SLAMF7: variants seen among roughly 807,000 people sequenced by gnomAD.
The protein encoded by SLAMF7 is SLAM family member 7.
A neutral mutation model predicts 34.1 loss-of-function variants in SLAMF7; 26 were observed. That is an observed-to-expected ratio of 0.76 (90% confidence interval 0.56 to 1.06). The LOEUF (loss-of-function observed/expected upper bound fraction) is 1.06. Ranked by LOEUF, SLAMF7 falls within the 50% of genes least tolerant of loss-of-function variation. SLAMF7 has a pLI of 0.00. For missense variants in SLAMF7, 399 were observed against 402.5 expected, an observed-to-expected ratio of 0.99 and a Z score of 0.07; for synonymous variants, 171 against 156.4, an observed-to-expected ratio of 1.09 and a Z score of -0.70.
At chr1:160,740,791 A>T (rs1263513234) in intron 1 of SLAMF7, among the ~76,000 whole-genome samples, 3 of 152,244 alleles carry the variant, frequency 2.0e-5, no homozygotes, top group Admixed American at 6.5e-5. Flanking sequence ...CCACCTCCTC[A>T]TGAGTCTGTA....
intron 4 of SLAMF7, 71 bp from the exon 5 acceptor site, chr1:160,751,274 G>A: frequency 8.7e-7 from 1 of 1,153,924 alleles, no homozygotes; most frequent in Non-Finnish European, 1.3e-6. Flanking sequence ...TCATCCAGGA[G>A]AAATGGTGGG....
intron 1 of SLAMF7, among the ~76,000 whole-genome samples, chr1:160,744,509 C>A (rs575098953): frequency 1.3e-5 from 2 of 152,204 alleles, no homozygotes; most frequent in African/African-American, 2.4e-5. Context: ...AGAAACAATG[C>A]GTTTGGCAAC....
At chr1:160,751,181 T>TC (rs766542979) in intron 4 of SLAMF7, 164 bp from the exon 5 acceptor site, 4 of 609,818 alleles carry the variant, frequency 6.6e-6, no homozygotes, top group African/African-American at 1.9e-5. Flanking sequence ...GTTTAGATTT[T>TC]CCCAGTTTTA....
At chr1:160,749,745 A>ACTGGAG in intron 2 of SLAMF7, 76 bp from the exon 3 acceptor site, 1 of 1,335,130 alleles carries the variant, frequency 7.5e-7, no homozygotes, top group Non-Finnish European at 1.0e-6. Context: ...ATTCAGGTCC[A>ACTGGAG]AGGTATCCAA....
intron 1 of SLAMF7, among the ~76,000 whole-genome samples, chr1:160,740,823 T>A (rs1663682216): frequency 6.6e-6 from 1 of 152,210 alleles, no homozygotes; most frequent in South Asian, 2.1e-4. Context: ...ATTATCCCTG[T>A]TTTACAGTTG....
At chr1:160,752,072 A>G (rs1005967987) in intron 5 of SLAMF7, 114 bp from the exon 6 acceptor site, 2 of 798,346 alleles carry the variant, frequency 2.5e-6, no homozygotes, top group African/African-American at 3.5e-5. Context: ...TTCCTCTCAC[A>G]TCTCCTCCCA....
At position 160,739,364 on chromosome 1, in the gene SLAMF7, C is replaced by A. The variant is rs370657629; in HGVS notation, c.55+8C>A. 2.5e-6 allele frequency: 4 copies of A among 1,611,028 alleles called. No homozygotes were observed. Among genetic ancestry groups the A allele is most frequent in the Admixed American group, 1.7e-5 (1 of 59,678 alleles). On this transcript the variant is annotated splice_region_variant and intron_variant, in intron 1 of 6. Transcript: ENST00000368043. ...TCCTTTGGCAGCTCACAGGTGAGTC[C>A]GGCCGGATTCTCTTCCACTCTCCTG...
chr1:160,741,552 GT>G (rs941131983), intron 1 of SLAMF7, among the ~76,000 whole-genome samples: 2 of 151,624 alleles, frequency 1.3e-5, no homozygotes, highest in Admixed American at 6.6e-5. Context: ...ACCACTTTGG[GT>G]TTTTTTTGCC....
intron 2 of SLAMF7, 126 bp from the exon 3 acceptor site, chr1:160,749,695 T>A: frequency 2.6e-6 from 2 of 768,550 alleles, no homozygotes; most frequent in Non-Finnish European, 4.1e-6. Context: ...GATTCTGCTC[T>A]GAATTACTGC....
At chr1:160,753,080 T>C in intron 6 of SLAMF7, 26 bp from the exon 7 acceptor site, 1 of 1,610,422 alleles carries the variant, frequency 6.2e-7, no homozygotes. Flanking sequence ...CCTCCCTCAC[T>C]CTACTTTCTT....
At chr1:160,751,714 C>A (rs1163506186) in intron 5 of SLAMF7, 2 of 359,546 alleles carry the variant, frequency 5.6e-6, no homozygotes, top group Admixed American at 4.4e-5. Context: ...CAGTTCATAA[C>A]GGCCACACAA....
chr1:160,743,585 G>C (rs538580104), intron 1 of SLAMF7, among the ~76,000 whole-genome samples: 16 of 152,260 alleles, frequency 1.1e-4, no homozygotes, highest in Non-Finnish European at 2.1e-4. Flanking sequence ...GGATGTAAAA[G>C]AGGCAGGTTA....
In SLAMF7 at chr1:160,739,369, G is replaced by A. The variant is rs777376514; in HGVS notation, c.55+13G>A. 113 of 1,610,238 alleles carry A rather than the reference G, an allele frequency of 7.0e-5. No homozygotes were observed. Among genetic ancestry groups the A allele is most frequent in the South Asian group, 6.3e-4 (57 of 90,576 alleles). Reference sequence around the variant, plus strand: ...TGGCAGCTCACAGGTGAGTCCGGCCGGATTCTCTTCCACTCTCCTGTCTAC... The same window carrying A: ...TGGCAGCTCACAGGTGAGTCCGGCCAGATTCTCTTCCACTCTCCTGTCTAC... On this transcript the variant is annotated intron_variant, in intron 1 of 6. Transcript: ENST00000368043.
intron 1 of SLAMF7, among the ~76,000 whole-genome samples, chr1:160,745,752 T>A (rs781565285): frequency 2.0e-5 from 3 of 152,206 alleles, no homozygotes; most frequent in Non-Finnish European, 2.9e-5. Flanking sequence ...GTGGACCAGA[T>A]TTAGCCTATG....
chr1:160,746,630 A>G (rs1664151851), intron 1 of SLAMF7, among the ~76,000 whole-genome samples: 1 of 152,252 alleles, frequency 6.6e-6, no homozygotes, highest in South Asian at 2.1e-4. Context: ...GAAATACAGC[A>G]TAGGGTAATT....
rs1664819683 is a variant in SLAMF7 at position 160,753,775 on chromosome 1, A to C, written c.*598A>C. On this transcript the variant is annotated 3_prime_UTR_variant, in exon 7 of 7. Transcript: ENST00000368043. ...GGCTCCAAATGAATGAACTACTTTC[A>C]TGAGCAGTTGTAGCAGGCCTGACCA... The C allele has an allele frequency of 6.5e-6, 1 of 153,140 alleles. No homozygotes were observed. Among genetic ancestry groups the C allele is most frequent in the Non-Finnish European group, 1.5e-5 (1 of 68,570 alleles). 9.5% of individuals were successfully genotyped at this position (153,140 alleles called of 1,614,324 possible).
intron 1 of SLAMF7, among the ~76,000 whole-genome samples, chr1:160,741,080 G>T (rs925655465): frequency 6.6e-6 from 1 of 152,188 alleles, no homozygotes; most frequent in African/African-American, 2.4e-5. Context: ...GTAGAAACTG[G>T]AAAGGCCCGA....
rs1042162233 is a variant in SLAMF7, at chr1:160,748,458, T to C, written c.320T>C (p.Ile107Thr). Residue 107 changes from isoleucine to threonine, a missense_variant, in exon 2 of 7, where the codon ATA (isoleucine) becomes ACA (threonine). Transcript: ENST00000368043. ...KNDSGIYYVGIYSSSLQQPST... is the reference protein window; with the variant it reads ...KNDSGIYYVGTYSSSLQQPST... ...GACTCAGGGATCTACTATGTGGGGA[T>C]ATACAGCTCATCACTCCAGCAGCCC... is the stretch of plus-strand genomic sequence containing the variant. The C allele has an allele frequency of 7.4e-6, 12 of 1,613,932 alleles. No homozygotes were observed. The highest frequency in any genetic ancestry group is 1.0e-5 in the Non-Finnish European group (12 of 1,179,952).
intron 1 of SLAMF7, among the ~76,000 whole-genome samples, chr1:160,740,377 T>C (rs921808295): frequency 6.6e-6 from 1 of 151,806 alleles, no homozygotes; most frequent in Non-Finnish European, 1.5e-5. Flanking sequence ...GGGAAAATTA[T>C]AGAGACTTTG....
Sources: gnomAD v4.1 joint callset for allele counts (sites outside exome capture counted in the v4.1 genomes callset) on GRCh38, gnomAD v4.1.1 for gene constraint, MANE v1.5 for transcripts, NCBI Gene and HGNC (gene_info 2026-07-23, HGNC 2026-07-21) for gene names.